The following NUDT3 variants were observed in gnomAD, a reference collection of about 807,000 sequenced individuals.
NUDT3 encodes nudix hydrolase 3, also known as diphosphoinositol polyphosphate phosphohydrolase 1.
In NUDT3, 9 loss-of-function variants were observed where a neutral mutation model predicts 23.6. That is an observed-to-expected ratio of 0.38 (90% confidence interval 0.23 to 0.66). The LOEUF is 0.66. Among genes scored for constraint, NUDT3 ranks in the 30% least tolerant of loss-of-function variants. NUDT3 has a pLI of 0.52. For synonymous variants in NUDT3, 86 were observed against 82.6 expected, an observed-to-expected ratio of 1.04 and a Z score of -0.22; for missense variants, 172 against 218.5, an observed-to-expected ratio of 0.79 and a Z score of 1.34.
In NUDT3 at chr6:34,280,330, A is replaced by C. The variant is rs1359608844; in HGVS notation, c.*8423T>G. 1 of 152,290 alleles carries C rather than the reference A, an allele frequency of 6.6e-6. No homozygotes were observed. Among genetic ancestry groups the C allele is most frequent in the Non-Finnish European group, 1.5e-5 (1 of 68,094 alleles). The allele number at this position is 152,290 out of a possible 1,614,324, so 9.4% of individuals were successfully genotyped here. On this transcript the variant is annotated 3_prime_UTR_variant, in exon 5 of 5. Transcript: ENST00000607016. The stretch of plus-strand genomic sequence containing the variant: ...TTTCCATGCAGTACCAAGCAAGGCT[A>C]TTTTGGAAACAAGCAAACAAACAAA...
rs548458029 is a variant in NUDT3, at chr6:34,379,163, G to GT, written c.99+13100dup. 2.7e-4 allele frequency among the ~76,000 whole-genome samples: 41 copies of GT among 152,218 alleles called. 1 individual carries two copies. In the East Asian group the frequency reaches 4.2e-3, roughly 16 times the overall value. ...AAAATAGAAAAGTCCACCTATATCA[G>GT]TATTTGTTTAGTTTTCAATGTTTCA... On this transcript the variant is annotated intron_variant, in intron 1 of 4. Coordinates refer to ENST00000607016, the MANE Select transcript of NUDT3 (RefSeq NM_006703.4).
At chr6:34,292,995 T>G (rs756069045) in intron 4 of NUDT3, among the ~76,000 whole-genome samples, 2 of 152,234 alleles carry the variant, frequency 1.3e-5, no homozygotes, top group South Asian at 4.1e-4. Context: ...AGGTTCAAAA[T>G]GTACATGCTT....
At chr6:34,386,267 T>C (rs1051538584) in intron 1 of NUDT3, among the ~76,000 whole-genome samples, 3 of 152,212 alleles carry the variant, frequency 2.0e-5, no homozygotes, top group African/African-American at 7.2e-5. Context: ...AATTTAAAGA[T>C]GTTATCAACA....
intron 2 of NUDT3, among the ~76,000 whole-genome samples, chr6:34,313,530 G>A (rs1763807357): frequency 6.6e-6 from 1 of 152,104 alleles, no homozygotes; most frequent in African/African-American, 2.4e-5. Flanking sequence ...GTCAGTGTTG[G>A]TACATTGACC....
At chr6:34,391,763 A>G (rs1889733) in intron 1 of NUDT3, among the ~76,000 whole-genome samples, 140,961 of 143,374 alleles carry the variant, frequency 0.98, 69,276 homozygotes, top group East Asian at 0.99. Flanking sequence ...CCCACCCCTC[A>G]GCTTTGGGCT....
chr6:34,388,263 C>A (rs1019890890), intron 1 of NUDT3, among the ~76,000 whole-genome samples: 1 of 152,080 alleles, frequency 6.6e-6, no homozygotes, highest in South Asian at 2.1e-4. Context: ...AGTACGTATC[C>A]CCAACGTTAA....
chr6:34,378,286 G>C (rs529138368), intron 1 of NUDT3, among the ~76,000 whole-genome samples: 9 of 152,204 alleles, frequency 5.9e-5, no homozygotes, highest in African/African-American at 1.9e-4. Context: ...CTGGGAGACA[G>C]AGCAAGATCC....
intron 2 of NUDT3, among the ~76,000 whole-genome samples, chr6:34,305,701 G>T (rs1029831161): frequency 6.6e-6 from 1 of 152,108 alleles, no homozygotes; most frequent in Non-Finnish European, 1.5e-5. Flanking sequence ...GCTGTATCCC[G>T]TAAGTCATGA....
At chr6:34,296,719 C>T (rs948934089) in intron 2 of NUDT3, among the ~76,000 whole-genome samples, 6 of 152,126 alleles carry the variant, frequency 3.9e-5, no homozygotes, top group Middle Eastern at 3.2e-3. Context: ...TAGGCTAGAA[C>T]GCAAGATCCC....
intron 2 of NUDT3, among the ~76,000 whole-genome samples, chr6:34,301,989 T>G (rs1256129122): frequency 1.3e-5 from 2 of 152,222 alleles, no homozygotes; most frequent in Admixed American, 1.3e-4. Context: ...ACAGCCTTAT[T>G]TGACAAGTGA....
chr6:34,361,162 G>T (rs148879159), intron 1 of NUDT3, among the ~76,000 whole-genome samples: 1 of 152,066 alleles, frequency 6.6e-6, no homozygotes, highest in East Asian at 1.9e-4. Flanking sequence ...GTTCAGTTAC[G>T]GTGAGCTATG....
chr6:34,375,444 T>C (rs1033089636), intron 1 of NUDT3, among the ~76,000 whole-genome samples: 1 of 152,226 alleles, frequency 6.6e-6, no homozygotes, highest in African/African-American at 2.4e-5. Flanking sequence ...TGCTGCTTTA[T>C]ACACAGAAGG....
chr6:34,345,625 G>A (rs1390195588), intron 1 of NUDT3, among the ~76,000 whole-genome samples: 2 of 146,434 alleles, frequency 1.4e-5, no homozygotes, highest in African/African-American at 2.5e-5. Context: ...ATTGCGCCAC[G>A]GCAGTCTAGC....
chr6:34,331,852 C>G (rs1764134038), intron 2 of NUDT3, among the ~76,000 whole-genome samples: 1 of 152,102 alleles, frequency 6.6e-6, no homozygotes, highest in African/African-American at 2.4e-5. Context: ...AGGGTGCCAA[C>G]TCCCACGCAG....
intron 1 of NUDT3, among the ~76,000 whole-genome samples, chr6:34,366,903 A>C (rs1289386935): frequency 6.6e-6 from 1 of 151,004 alleles, no homozygotes; most frequent in Non-Finnish European, 1.5e-5. Context: ...ATTAAAAAAA[A>C]ATTTTTTTTG....
intron 1 of NUDT3, among the ~76,000 whole-genome samples, chr6:34,360,750 T>C (rs1270074093): frequency 6.6e-6 from 1 of 151,816 alleles, no homozygotes; most frequent in African/African-American, 2.4e-5. Flanking sequence ...TAAGTTAAAA[T>C]GTACTACATA....
At chr6:34,326,834 C>T (rs879722471) in intron 2 of NUDT3, among the ~76,000 whole-genome samples, 7 of 152,120 alleles carry the variant, frequency 4.6e-5, no homozygotes, top group African/African-American at 7.2e-5. Context: ...CCCCTAACCT[C>T]AGGTGATCCA....
At chr6:34,364,093 T>A (rs1441135806) in intron 1 of NUDT3, among the ~76,000 whole-genome samples, 1 of 152,162 alleles carries the variant, frequency 6.6e-6, no homozygotes, top group East Asian at 1.9e-4. Flanking sequence ...ATGATCTGTT[T>A]TAAGTAACAA....
chr6:34,297,647 C>T (rs1444183091), intron 2 of NUDT3, among the ~76,000 whole-genome samples: 1 of 145,232 alleles, frequency 6.9e-6, no homozygotes, highest in Non-Finnish European at 1.5e-5. Context: ...AAGCGATTCT[C>T]TTGCCTCAGC....
Sources: allele counts gnomAD v4.1 joint callset (sites outside exome capture counted in the v4.1 genomes callset), GRCh38; gene constraint gnomAD v4.1.1; transcripts MANE v1.5; gene names NCBI Gene and HGNC (gene_info 2026-07-23, HGNC 2026-07-21).